NTN1: variants seen among roughly 807,000 people sequenced by gnomAD.
The protein encoded by NTN1 is netrin 1.
Under a neutral mutation model 54.2 loss-of-function variants are expected in NTN1, and 11 were observed. The ratio of observed to expected loss-of-function variants is 0.20; its 90% CI spans 0.13 to 0.34. NTN1 has a LOEUF of 0.34. Among genes scored for constraint, NTN1 ranks in the 10% least tolerant of loss-of-function variants. NTN1 has a pLI of 1.00. For synonymous variants in NTN1, 371 were observed against 382.0 expected (o/e 0.97, Z 0.33); for missense variants, 740 against 893.1 (o/e 0.83, Z 2.18).
intron 2 of NTN1, among the ~76,000 whole-genome samples, chr17:9,148,323 C>A (rs1490651679): frequency 6.6e-6 from 1 of 152,174 alleles, no homozygotes; most frequent in African/African-American, 2.4e-5. Flanking sequence ...AGCAGACAAC[C>A]CTTTGAGTTA....
intron 6 of NTN1, among the ~76,000 whole-genome samples, chr17:9,224,208 C>T (rs1461480481): frequency 6.6e-6 from 1 of 151,936 alleles, no homozygotes; most frequent in East Asian, 1.9e-4. Flanking sequence ...TTCCAGGGGG[C>T]ACCTTGGCCC....
chr17:9,023,033 C>G lies in NTN1; in HGVS notation c.660C>G (p.Phe220Leu). ...CGCTCTCGGGCGGCCTCATCGCCTT[C>G]AGCACGCTGGACGGGCGGCCCTCGG... ...MRPLSGGLIA[F>L]STLDGRPSAH... The change falls in exon 2 of 7, where the codon TTC becomes TTG. Residue 220 changes from phenylalanine (F) to leucine (L), a missense_variant. Phe to Leu is a conservative substitution (Grantham distance 22). Transcript: ENST00000173229. The G allele has an allele frequency of 6.3e-7, 1 of 1,597,184 alleles. No individual in the cohort carries two copies. The highest frequency in any genetic ancestry group is 8.5e-7 in the Non-Finnish European group (1 of 1,173,340).
intron 2 of NTN1, among the ~76,000 whole-genome samples, chr17:9,153,766 G>A (rs539840705): frequency 1.6e-4 from 24 of 152,248 alleles, no homozygotes; most frequent in African/African-American, 5.3e-4. Flanking sequence ...GTCCTGTTTT[G>A]GTGTCCTTGT....
At chr17:9,125,320 G>A (rs1440715214) in intron 2 of NTN1, among the ~76,000 whole-genome samples, 3 of 151,770 alleles carry the variant, frequency 2.0e-5, no homozygotes, top group East Asian at 1.9e-4. Flanking sequence ...TCCGCCTCCC[G>A]GGTTCAAGCA....
chr17:9,180,019 G>A (rs2092414023), intron 4 of NTN1, 63 bp downstream of exon 4: 19 of 1,544,070 alleles, frequency 1.2e-5, no homozygotes, highest in South Asian at 1.1e-4. Flanking sequence ...AGCTTTTGAG[G>A]ATGCTAGTCA....
intron 3 of NTN1, 24 bp from the exon 4 acceptor site, chr17:9,179,783 C>A (rs753307762): frequency 8.1e-6 from 13 of 1,608,916 alleles, no homozygotes; most frequent in Non-Finnish European, 8.5e-6. Flanking sequence ...CTTGTCTGAC[C>A]CTCCCATTTT....
At chr17:9,075,572 T>A (rs1408013997) in intron 2 of NTN1, among the ~76,000 whole-genome samples, 1 of 152,198 alleles carries the variant, frequency 6.6e-6, no homozygotes, top group Non-Finnish European at 1.5e-5. Flanking sequence ...CTGGTTGGTA[T>A]TAGGATGAGT....
At chr17:9,080,224 C>T (rs1008446154) in intron 2 of NTN1, among the ~76,000 whole-genome samples, 1 of 152,246 alleles carries the variant, frequency 6.6e-6, no homozygotes, top group African/African-American at 2.4e-5. Flanking sequence ...CAGCCCCCTG[C>T]GTGACCTCTG....
At chr17:9,033,655 C>T (rs577651495) in intron 2 of NTN1, among the ~76,000 whole-genome samples, 72 of 152,234 alleles carry the variant, frequency 4.7e-4, no homozygotes, top group African/African-American at 1.6e-3. Flanking sequence ...TGGTGGCTCA[C>T]GCCTGTAATC....
Position 9,022,497 on chromosome 17 carries a change from T to G in NTN1, c.124T>G (p.Ser42Ala). ...CCAGGCGGCGCAGCCCGATCCCTGC[T>G]CGGACGAGAACGGCCACCCGCGCCG... ...AGQAAQPDPCSDENGHPRRCI... is the reference protein window; with the variant it reads ...AGQAAQPDPCADENGHPRRCI... Residue 42 changes from serine to alanine, a missense_variant, in exon 2 of 7, where the codon TCG (serine) becomes GCG (alanine). By Grantham distance (99) the Ser-to-Ala change is moderately conservative. Coordinates refer to ENST00000173229, the MANE Select transcript of NTN1 (RefSeq NM_004822.3). 6.5e-7 allele frequency: 1 copy of G among 1,542,310 alleles called. No individual in the cohort carries two copies. Among genetic ancestry groups the G allele is most frequent in the Non-Finnish European group, 8.7e-7 (1 of 1,147,996 alleles).
At chr17:9,117,186 C>T (rs2092216078) in intron 2 of NTN1, among the ~76,000 whole-genome samples, 1 of 152,172 alleles carries the variant, frequency 6.6e-6, no homozygotes. Flanking sequence ...AGAGAGAAAG[C>T]CGAGAGACAG....
At chr17:9,069,113 C>T (rs558431585) in intron 2 of NTN1, among the ~76,000 whole-genome samples, 1 of 152,102 alleles carries the variant, frequency 6.6e-6, no homozygotes, top group Non-Finnish European at 1.5e-5. Context: ...CTCCACCGTT[C>T]ATCAAGACTT....
chr17:9,012,738 TC>T, the NTN1 span, among the ~76,000 whole-genome samples: 5 of 152,066 alleles, frequency 3.3e-5, no homozygotes, highest in Non-Finnish European at 7.4e-5. Flanking sequence ...TCCTGTTCCC[TC>T]CCCTGCTTTG....
intron 1 of NTN1, among the ~76,000 whole-genome samples, chr17:9,021,952 G>A (rs1381983728): frequency 2.0e-5 from 3 of 152,224 alleles, no homozygotes; most frequent in Admixed American, 2.0e-4. Context: ...AGACGAAGGG[G>A]CGCGGGCCGT....
upstream of NTN1, among the ~76,000 whole-genome samples, chr17:9,018,852 A>G (rs1334550842): frequency 6.6e-6 from 1 of 152,146 alleles, no homozygotes; most frequent in Non-Finnish European, 1.5e-5. Context: ...AAACTGTCCA[A>G]CCGAGCTCAC....
chr17:9,094,154 A>G (rs2092122559), intron 2 of NTN1, among the ~76,000 whole-genome samples: 1 of 152,228 alleles, frequency 6.6e-6, no homozygotes, highest in African/African-American at 2.4e-5. Flanking sequence ...ACTATTTTAT[A>G]ACCTACTTTT....
At chr17:9,099,602 G>T (rs9892896) in intron 2 of NTN1, among the ~76,000 whole-genome samples, 1 of 151,718 alleles carries the variant, frequency 6.6e-6, no homozygotes, top group African/African-American at 2.4e-5. Flanking sequence ...TCATAGATAC[G>T]TGTTTGTATA....
intron 5 of NTN1, among the ~76,000 whole-genome samples, chr17:9,203,727 C>G (rs910221664): frequency 6.6e-6 from 1 of 151,994 alleles, no homozygotes; most frequent in Admixed American, 6.6e-5. Context: ...CACTTGAACC[C>G]GGGAGGTGGA....
At position 9,240,049 on chromosome 17, in the gene NTN1, G is replaced by A; in HGVS notation, c.*81G>A. The A allele has an allele frequency of 4.8e-6, 4 of 831,992 alleles. No individual in the cohort carries two copies. Among genetic ancestry groups the A allele is most frequent in the Non-Finnish European group, 6.0e-6 (4 of 666,274 alleles). The allele number at this position is 831,992 out of a possible 1,614,324, so 51.5% of individuals were successfully genotyped here. On this transcript the variant is annotated 3_prime_UTR_variant, in exon 7 of 7. Coordinates refer to ENST00000173229, the MANE Select transcript of NTN1 (RefSeq NM_004822.3). Reference sequence around the variant, plus strand: ...CGGGCGCCTTGGCCCGGCCGCCGCGGACTTGGCCCGCGAGGGCTTTCCCAG... The same window carrying A: ...CGGGCGCCTTGGCCCGGCCGCCGCGAACTTGGCCCGCGAGGGCTTTCCCAG...
Sources: gnomAD v4.1 joint callset for allele counts (sites outside exome capture counted in the v4.1 genomes callset) on GRCh38, gnomAD v4.1.1 for gene constraint, MANE v1.5 for transcripts, NCBI Gene and HGNC (gene_info 2026-07-23, HGNC 2026-07-21) for gene names.